Variants in SH3RF2 observed in about 807,000 individuals in gnomAD.
The protein encoded by SH3RF2 is SH3 domain containing ring finger 2.
SH3RF2 carries 43 observed loss-of-function variants against 59.0 expected under a neutral mutation model. The observed-to-expected ratio is 0.73, with a 90% CI of 0.57 to 0.94. The LOEUF is 0.94. SH3RF2 is among the 40% of genes least tolerant of loss of function. The pLI, the probability that SH3RF2 is intolerant of heterozygous loss-of-function variation, is 0.00. For missense variants in SH3RF2, 930 were observed against 940.1 expected (o/e 0.99, Z 0.14); for synonymous variants, 391 against 391.5 (o/e 1.00, Z 0.01).
chr5:146,064,296 A>C (rs1762992608), downstream of SH3RF2, among the ~76,000 whole-genome samples: 1 of 152,056 alleles, frequency 6.6e-6, no homozygotes, highest in Non-Finnish European at 1.5e-5. Flanking sequence ...AAAGAAGGAC[A>C]GAGCCTGCGA....
At chr5:145,996,518 AT>A (rs5871952) in intron 2 of SH3RF2, among the ~76,000 whole-genome samples, 87,183 of 151,860 alleles carry the variant, frequency 0.57, 25,481 homozygotes, top group South Asian at 0.79. Flanking sequence ...GCTTGAGCTG[AT>A]TTTTTTTAAA....
At chr5:146,049,563 G>A (rs1358546321) in intron 7 of SH3RF2, among the ~76,000 whole-genome samples, 1 of 151,952 alleles carries the variant, frequency 6.6e-6, no homozygotes, top group Admixed American at 6.6e-5. Flanking sequence ...TGGATGTCAG[G>A]TTTTCTTCTG....
chr5:146,055,058 ATTG>A (rs2150018867), intron 7 of SH3RF2, among the ~76,000 whole-genome samples: 1 of 152,344 alleles, frequency 6.6e-6, no homozygotes, highest in Non-Finnish European at 1.5e-5. Context: ...TGGATAAGGG[ATTG>A]TTGTTTCATA....
intron 9 of SH3RF2, among the ~76,000 whole-genome samples, chr5:146,074,036 C>CTTTTTTTTT (rs70998053): frequency 0.013 from 1,522 of 117,148 alleles, 185 homozygotes; most frequent in African/African-American, 0.057. Context: ...CATTAACACT[C>CTTTTTTTTT]TTTTTTTTTT....
intron 2 of SH3RF2, among the ~76,000 whole-genome samples, chr5:145,976,023 G>A (rs1759280995): frequency 6.6e-6 from 1 of 152,284 alleles, no homozygotes; most frequent in Admixed American, 6.5e-5. Flanking sequence ...GATAATGACA[G>A]GTCACATACA....
At chr5:145,985,378 G>C (rs1759660652) in intron 2 of SH3RF2, among the ~76,000 whole-genome samples, 1 of 152,168 alleles carries the variant, frequency 6.6e-6, no homozygotes, top group Non-Finnish European at 1.5e-5. Flanking sequence ...GTAACTTTTT[G>C]ACAATTGAGG....
intron 2 of SH3RF2, chr5:145,998,033 T>C: frequency 1.6e-6 from 1 of 628,984 alleles, no homozygotes; most frequent in Non-Finnish European, 2.9e-6. Context: ...ATAGAGAGAC[T>C]ACATAGAAAA....
At chr5:145,944,744 C>A (rs370906160) in intron 2 of SH3RF2, among the ~76,000 whole-genome samples, 6 of 152,192 alleles carry the variant, frequency 3.9e-5, no homozygotes, top group African/African-American at 9.7e-5. Context: ...TTCTATGGCA[C>A]TGACACCCCT....
At chr5:146,007,756 C>T (rs141887343) in intron 4 of SH3RF2, among the ~76,000 whole-genome samples, 1 of 152,286 alleles carries the variant, frequency 6.6e-6, no homozygotes, top group East Asian at 1.9e-4. Flanking sequence ...ATTAAACTAG[C>T]CAGTGCTTCA....
At chr5:145,951,416 A>G (rs895868610) in intron 2 of SH3RF2, among the ~76,000 whole-genome samples, 4 of 152,138 alleles carry the variant, frequency 2.6e-5, no homozygotes, top group Admixed American at 1.3e-4. Flanking sequence ...TTACCAGTTT[A>G]CATCTTGGTT....
chr5:145,981,359 A>G (rs1759498688), intron 2 of SH3RF2, among the ~76,000 whole-genome samples: 1 of 152,166 alleles, frequency 6.6e-6, no homozygotes, highest in Non-Finnish European at 1.5e-5. Flanking sequence ...TGAGTCTCCC[A>G]AAGTACTGGA....
intron 2 of SH3RF2, among the ~76,000 whole-genome samples, chr5:145,948,336 T>C (rs1300413094): frequency 6.6e-6 from 1 of 152,234 alleles, no homozygotes. Flanking sequence ...CAGAAACCCA[T>C]GACACTGAGG....
intron 5 of SH3RF2, among the ~76,000 whole-genome samples, chr5:146,024,242 GT>G (rs1331877485): frequency 2.0e-5 from 3 of 152,168 alleles, no homozygotes; most frequent in Non-Finnish European, 2.9e-5. Flanking sequence ...GCCAACACTT[GT>G]TTTATTATCA....
chr5:145,996,316 A>G (rs934889056), intron 2 of SH3RF2, among the ~76,000 whole-genome samples: 2 of 152,194 alleles, frequency 1.3e-5, no homozygotes, highest in African/African-American at 4.8e-5. Flanking sequence ...ACTGCTTGGA[A>G]AAGCACAAAA....
intron 2 of SH3RF2, among the ~76,000 whole-genome samples, chr5:145,996,026 G>A (rs921425404): frequency 1.3e-5 from 2 of 152,138 alleles, no homozygotes; most frequent in African/African-American, 4.8e-5. Flanking sequence ...TTGTCCACCA[G>A]TTTCCTGGGG....
chr5:145,942,851 C>A (rs1726616605), intron 2 of SH3RF2, among the ~76,000 whole-genome samples: 1 of 152,170 alleles, frequency 6.6e-6, no homozygotes, highest in African/African-American at 2.4e-5. Flanking sequence ...TTAGTCTCCT[C>A]TCTTTTATTG....
chr5:145,987,909 T>C (rs1407138556), intron 2 of SH3RF2, among the ~76,000 whole-genome samples: 1 of 152,200 alleles, frequency 6.6e-6, no homozygotes, highest in African/African-American at 2.4e-5. Flanking sequence ...ATTAATCGTC[T>C]CCAAAACCAT....
chr5:145,975,876 C>G (rs775120952), intron 2 of SH3RF2, among the ~76,000 whole-genome samples: 2 of 152,180 alleles, frequency 1.3e-5, no homozygotes, highest in South Asian at 4.1e-4. Flanking sequence ...GGCCCTGCCT[C>G]GTGGATTGTT....
At chr5:146,079,960 T>C (rs1400254978) in exon 10 of SH3RF2, 1 of 152,248 alleles carries the variant, frequency 6.6e-6, no homozygotes, top group Non-Finnish European at 1.5e-5. Context: ...CTCCTAATTT[T>C]TGCACGTGCT....
Sources: allele counts gnomAD v4.1 joint callset (sites outside exome capture counted in the v4.1 genomes callset), GRCh38; gene constraint gnomAD v4.1.1; transcripts MANE v1.5; gene names NCBI Gene and HGNC (gene_info 2026-07-23, HGNC 2026-07-21).